Variants in FBXL2 observed in about 807,000 individuals in gnomAD.
The protein encoded by FBXL2 is F-box and leucine rich repeat protein 2.
A neutral mutation model predicts 69.2 loss-of-function variants in FBXL2; 38 were observed. The ratio of observed to expected loss-of-function variants is 0.55; its 90% CI spans 0.42 to 0.72. The LOEUF (loss-of-function observed/expected upper bound fraction) is 0.72, where lower values mean the gene tolerates loss of function less well. Ranked by LOEUF, FBXL2 falls within the 30% of genes least tolerant of loss-of-function variation. The probability of loss-of-function intolerance (pLI) is 0.00; values close to 1 mark genes in which losing one functional copy is unlikely to be tolerated. For missense variants in FBXL2, 354 were observed against 520.3 expected (o/e 0.68, Z 3.11); for synonymous variants, 192 against 201.3 (o/e 0.95, Z 0.39).
chr3:33,351,883 C>T (rs939015325), intron 2 of FBXL2, among the ~76,000 whole-genome samples: 1 of 150,156 alleles, frequency 6.7e-6, no homozygotes, highest in Non-Finnish European at 1.5e-5. Context: ...CCCAGCAACA[C>T]AGGAGGCTGA....
At chr3:33,378,393 T>C (rs2042783826) in intron 12 of FBXL2, among the ~76,000 whole-genome samples, 3 of 152,172 alleles carry the variant, frequency 2.0e-5, no homozygotes, top group Admixed American at 2.0e-4. Context: ...GCATGTCCAG[T>C]GATGGGGTGA....
chr3:33,284,010 C>A (rs1282450849), intron 1 of FBXL2, among the ~76,000 whole-genome samples: 1 of 152,056 alleles, frequency 6.6e-6, no homozygotes, highest in Non-Finnish European at 1.5e-5. Flanking sequence ...CTCCTGGATT[C>A]TTTGATTTTT....
chr3:33,324,317 T>G (rs1286734762), intron 2 of FBXL2, among the ~76,000 whole-genome samples: 3 of 152,208 alleles, frequency 2.0e-5, no homozygotes, highest in African/African-American at 7.2e-5. Context: ...TTAGATCCCA[T>G]TTGTCAATTT....
At position 33,384,033 on chromosome 3, in the gene FBXL2, C is replaced by G. The variant is rs916002969; in HGVS notation, c.996C>G (p.His332Gln). ...CELITDDGIL[H>Q]LSNSTCGHER... ...TCATCACAGATGATGGGATCCTGCA[C>G]CTGAGCAACAGTACCTGTGGCCATG... is the stretch of plus-strand genomic sequence containing the variant. The change falls in exon 14 of 15, where the codon CAC becomes CAG. Residue 332 changes from histidine to glutamine, a missense_variant. Transcript: ENST00000484457. 6.2e-7 allele frequency: 1 copy of G among 1,614,002 alleles called. No homozygotes were observed. The highest frequency in any genetic ancestry group is 8.5e-7 in the Non-Finnish European group (1 of 1,180,006).
chr3:33,405,733 C>G (rs1419061374), downstream of FBXL2, among the ~76,000 whole-genome samples: 2 of 152,010 alleles, frequency 1.3e-5, no homozygotes, highest in Non-Finnish European at 2.9e-5. Context: ...GCACTCCAGG[C>G]CCAGGTGACT....
intron 12 of FBXL2, chr3:33,400,171 A>T (rs1404181670): frequency 1.4e-6 from 2 of 1,473,114 alleles, no homozygotes; most frequent in East Asian, 5.0e-5. Flanking sequence ...GCACAGATAC[A>T]CACACACATA....
At chr3:33,384,287 G>A (rs576193288) in intron 14 of FBXL2, 86 bp downstream of exon 14, 42 of 1,350,912 alleles carry the variant, frequency 3.1e-5, no homozygotes, top group East Asian at 2.4e-4. Flanking sequence ...GGCTAGGCAC[G>A]CGGTGGCTCA....
intron 2 of FBXL2, among the ~76,000 whole-genome samples, chr3:33,350,266 C>G (rs2040736388): frequency 6.6e-6 from 1 of 151,894 alleles, no homozygotes; most frequent in South Asian, 2.1e-4. Flanking sequence ...TCTATTACAT[C>G]AACAGACTAA....
At chr3:33,295,542 T>C (rs2035650340) in intron 1 of FBXL2, among the ~76,000 whole-genome samples, 1 of 152,260 alleles carries the variant, frequency 6.6e-6, no homozygotes, top group Non-Finnish European at 1.5e-5. Flanking sequence ...AATGCTGCTA[T>C]GAACATTCAT....
intron 1 of FBXL2, among the ~76,000 whole-genome samples, chr3:33,296,425 G>A (rs920897410): frequency 3.1e-4 from 47 of 152,226 alleles, no homozygotes; most frequent in African/African-American, 1.0e-3. Flanking sequence ...TATGCTTTCA[G>A]TGTCATATCT....
chr3:33,373,150 A>T lies in FBXL2; in HGVS notation c.349A>T (p.Ile117Phe). Reference sequence around the variant, plus strand: ...TTTGAACCTCAATGGATGCACAAAAATCACTGACAGGTAAGTAATGAAGAT... The same window carrying T: ...TTTGAACCTCAATGGATGCACAAAATTCACTGACAGGTAAGTAATGAAGAT... ...EHLNLNGCTK[I>F]TDSTCYSLSR... The change falls in exon 6 of 15, where the codon ATC (isoleucine) becomes TTC (phenylalanine). Residue 117 changes from isoleucine to phenylalanine, a missense_variant. Coordinates refer to ENST00000484457, the MANE Select transcript of FBXL2 (RefSeq NM_012157.5). 1 of 1,614,168 alleles carries T rather than the reference A, an allele frequency of 6.2e-7. No homozygotes were observed. Among genetic ancestry groups the T allele is most frequent in the Non-Finnish European group, 8.5e-7 (1 of 1,179,960 alleles).
the FBXL2 span, among the ~76,000 whole-genome samples, chr3:33,421,775 G>T: frequency 6.6e-6 from 1 of 152,188 alleles, no homozygotes; most frequent in Admixed American, 6.5e-5. Flanking sequence ...TCGGCTGGGA[G>T]TGGTGGTTCA....
At chr3:33,421,126 C>G in the FBXL2 span, among the ~76,000 whole-genome samples, 4 of 152,302 alleles carry the variant, frequency 2.6e-5, no homozygotes, top group Admixed American at 6.5e-5. Flanking sequence ...CAAAAGGCAG[C>G]CTATTCCAGC....
intron 1 of FBXL2, among the ~76,000 whole-genome samples, chr3:33,282,841 C>T (rs1417814982): frequency 2.0e-5 from 3 of 152,120 alleles, no homozygotes; most frequent in African/African-American, 4.8e-5. Context: ...TGATTTGGCT[C>T]TCTGTTTGTC....
At chr3:33,279,713 CTATAAT>C (rs1395823653) in intron 1 of FBXL2, among the ~76,000 whole-genome samples, 1 of 152,016 alleles carries the variant, frequency 6.6e-6, no homozygotes, top group African/African-American at 2.4e-5. Context: ...TATTTCTACT[CTATAAT>C]AATAATGACA....
chr3:33,300,949 C>T (rs1438201449), intron 2 of FBXL2, among the ~76,000 whole-genome samples: 8 of 151,928 alleles, frequency 5.3e-5, no homozygotes, highest in Non-Finnish European at 7.4e-5. Context: ...GTGATCCGCC[C>T]GCCTTGGCCT....
At chr3:33,287,231 A>G (rs2034733386) in intron 1 of FBXL2, among the ~76,000 whole-genome samples, 1 of 152,254 alleles carries the variant, frequency 6.6e-6, no homozygotes, top group Middle Eastern at 3.4e-3. Context: ...AGTTAAGAGA[A>G]TTTATATGAG....
chr3:33,315,299 T>C (rs1390659965), intron 2 of FBXL2, among the ~76,000 whole-genome samples: 2 of 143,714 alleles, frequency 1.4e-5, no homozygotes, highest in East Asian at 3.9e-4. Context: ...TCTCTGTTTC[T>C]CTCTTTCTCT....
downstream of FBXL2, chr3:33,389,219 A>AATC (rs1478889414): frequency 6.6e-6 from 1 of 152,620 alleles, no homozygotes; most frequent in Non-Finnish European, 1.5e-5. Flanking sequence ...AAAGCCCCTA[A>AATC]ATCATCACCA....
Sources: allele counts gnomAD v4.1 joint callset (sites outside exome capture counted in the v4.1 genomes callset), GRCh38; gene constraint gnomAD v4.1.1; transcripts MANE v1.5; gene names NCBI Gene and HGNC (gene_info 2026-07-23, HGNC 2026-07-21).